The following CNTN4 variants were observed in gnomAD, a reference collection of about 807,000 sequenced individuals.
CNTN4 encodes contactin 4, also known as contactin-4.
In CNTN4, 77 loss-of-function variants were observed where a neutral mutation model predicts 122.5. That is an observed-to-expected ratio of 0.63 (90% CI 0.52 to 0.76). The LOEUF (loss-of-function observed/expected upper bound fraction) is 0.76, where lower values mean the gene tolerates loss of function less well. Ranked by LOEUF, CNTN4 falls within the 30% of genes least tolerant of loss-of-function variation. The pLI, the probability that CNTN4 is intolerant of heterozygous loss-of-function variation, is 0.00. For synonymous variants in CNTN4, 512 were observed against 447.0 expected (o/e 1.15, Z -1.83); for missense variants, 1,256 against 1,259.1 (o/e 1.00, Z 0.04).
intron 2 of CNTN4, among the ~76,000 whole-genome samples, chr3:2,160,808 T>A (rs542400656): frequency 6.6e-6 from 1 of 152,308 alleles, no homozygotes; most frequent in South Asian, 2.1e-4. Context: ...TCCCCTTGAT[T>A]TCCATTCGTC....
At chr3:3,052,500 T>G (rs1314968625) in intron 23 of CNTN4, among the ~76,000 whole-genome samples, 1 of 151,376 alleles carries the variant, frequency 6.6e-6, no homozygotes, top group South Asian at 2.1e-4. Flanking sequence ...CAAAAACCAC[T>G]GACCTCATCC....
chr3:2,614,452 A>C (rs1366305377), intron 4 of CNTN4, among the ~76,000 whole-genome samples: 5 of 152,222 alleles, frequency 3.3e-5, no homozygotes, highest in African/African-American at 1.2e-4. Flanking sequence ...GTATGGGAAC[A>C]GTATCATAGG....
intron 3 of CNTN4, among the ~76,000 whole-genome samples, chr3:2,357,786 A>G (rs1026093360): frequency 6.6e-6 from 1 of 152,234 alleles, no homozygotes; most frequent in African/African-American, 2.4e-5. Context: ...CACGTAATTT[A>G]GCTTTGATTA....
At chr3:2,795,322 C>T (rs1307223900) in intron 6 of CNTN4, among the ~76,000 whole-genome samples, 1 of 152,132 alleles carries the variant, frequency 6.6e-6, no homozygotes, top group Non-Finnish European at 1.5e-5. Flanking sequence ...TTGGTTCAAA[C>T]ATCCATCCCC....
chr3:3,054,101 C>T (rs1014463908), intron 24 of CNTN4, 126 bp downstream of exon 24: 2 of 974,544 alleles, frequency 2.1e-6, no homozygotes, highest in Non-Finnish European at 3.2e-6. Flanking sequence ...GAGAACACTA[C>T]CCCCCTTCTC....
intron 7 of CNTN4, among the ~76,000 whole-genome samples, chr3:2,857,141 A>G (rs2093626272): frequency 1.3e-5 from 2 of 152,338 alleles, no homozygotes; most frequent in South Asian, 4.1e-4. Context: ...ATCAAACCAC[A>G]GGGCTTGTAT....
At chr3:2,445,556 T>C (rs1392197900) in intron 3 of CNTN4, among the ~76,000 whole-genome samples, 1 of 152,184 alleles carries the variant, frequency 6.6e-6, no homozygotes, top group African/African-American at 2.4e-5. Flanking sequence ...TTCTTAATTT[T>C]CTTATAATTC....
intron 12 of CNTN4, among the ~76,000 whole-genome samples, chr3:2,915,613 A>G (rs1312883711): frequency 6.6e-6 from 1 of 152,204 alleles, no homozygotes; most frequent in African/African-American, 2.4e-5. Flanking sequence ...TCAATTTTTC[A>G]CTGCTAAGCA....
At chr3:2,684,101 T>C (rs1878181) in intron 4 of CNTN4, among the ~76,000 whole-genome samples, 42,488 of 152,092 alleles carry the variant, frequency 0.28, 6,527 homozygotes, top group South Asian at 0.46. Context: ...ATTCACACTA[T>C]TAAATATTTA....
intron 14 of CNTN4, among the ~76,000 whole-genome samples, chr3:2,993,217 C>T (rs1695208962): frequency 6.6e-6 from 1 of 152,002 alleles, no homozygotes; most frequent in African/African-American, 2.4e-5. Flanking sequence ...TGTCACATAG[C>T]CATGTCATTT....
At chr3:2,755,299 G>A (rs191329943) in intron 6 of CNTN4, among the ~76,000 whole-genome samples, 128 of 152,250 alleles carry the variant, frequency 8.4e-4, no homozygotes, top group African/African-American at 3.0e-3. Context: ...TTTTCTGAGC[G>A]ATAAAATGTG....
intron 6 of CNTN4, among the ~76,000 whole-genome samples, chr3:2,783,000 C>T (rs1030322925): frequency 2.0e-5 from 3 of 152,150 alleles, no homozygotes; most frequent in African/African-American, 4.8e-5. Context: ...GTGAGGAGTG[C>T]CAGTGCGGTG....
At chr3:2,319,923 T>A (rs759722498) in intron 2 of CNTN4, among the ~76,000 whole-genome samples, 5 of 152,196 alleles carry the variant, frequency 3.3e-5, no homozygotes, top group Non-Finnish European at 7.3e-5. Context: ...CTTTAACAAT[T>A]TTAAAGCGTG....
chr3:2,423,394 A>G (rs1292990207), intron 3 of CNTN4, among the ~76,000 whole-genome samples: 1 of 152,090 alleles, frequency 6.6e-6, no homozygotes, highest in African/African-American at 2.4e-5. Context: ...AGTGCGTTTA[A>G]TGAACATTGA....
At chr3:2,607,216 A>G (rs905135848) in intron 4 of CNTN4, among the ~76,000 whole-genome samples, 1 of 152,200 alleles carries the variant, frequency 6.6e-6, no homozygotes, top group East Asian at 1.9e-4. Flanking sequence ...TTGTAGTCAT[A>G]TTGCAGAGCA....
chr3:2,415,578 G>T (rs560951294), intron 3 of CNTN4, among the ~76,000 whole-genome samples: 121 of 152,260 alleles, frequency 7.9e-4, no homozygotes, highest in African/African-American at 2.5e-3. Context: ...TTAGTTCAAT[G>T]GTAGGTGTAA....
At chr3:2,364,331 A>C (rs999052429) in intron 3 of CNTN4, among the ~76,000 whole-genome samples, 2 of 152,160 alleles carry the variant, frequency 1.3e-5, no homozygotes, top group Non-Finnish European at 2.9e-5. Context: ...ATTAAATTGG[A>C]AAGTTCCAAC....
At chr3:3,006,799 G>A (rs76411065) in intron 14 of CNTN4, among the ~76,000 whole-genome samples, 1,704 of 152,236 alleles carry the variant, frequency 0.011, 19 homozygotes, top group African/African-American at 0.028. Flanking sequence ...AGAAGTTTCC[G>A]TTTTTCCTCC....
chr3:2,496,117 A>G (rs1014552458), intron 3 of CNTN4, among the ~76,000 whole-genome samples: 1 of 152,238 alleles, frequency 6.6e-6, no homozygotes. Flanking sequence ...GTTATAAAAC[A>G]AAAGAAAGTT....
Sources: allele counts gnomAD v4.1 joint callset (sites outside exome capture counted in the v4.1 genomes callset), GRCh38; gene constraint gnomAD v4.1.1; transcripts MANE v1.5; gene names NCBI Gene and HGNC (gene_info 2026-07-23, HGNC 2026-07-21).